COL4A4: variants seen among roughly 807,000 people sequenced by gnomAD.
COL4A4 encodes the protein collagen type IV alpha 4 chain.
A neutral mutation model predicts 192.9 loss-of-function variants in COL4A4; 105 were observed. The ratio of observed to expected loss-of-function variants is 0.54; its 90% CI spans 0.46 to 0.64. COL4A4 has a LOEUF of 0.64. Ranked by LOEUF, COL4A4 falls within the 30% of genes least tolerant of loss-of-function variation. COL4A4 has a pLI of 0.00. For synonymous variants in COL4A4, 762 were observed against 769.9 expected (o/e 0.99, Z 0.17); for missense variants, 1,967 against 2,169.3 (o/e 0.91, Z 1.85).
the COL4A4 span, among the ~76,000 whole-genome samples, chr2:226,973,978 G>C: frequency 3.3e-5 from 5 of 152,150 alleles, no homozygotes; most frequent in Admixed American, 6.5e-5. Flanking sequence ...TGAGCTTGAG[G>C]GTTTTGTGGG....
intron 4 of COL4A4, among the ~76,000 whole-genome samples, chr2:227,137,415 G>A (rs1284834970): frequency 6.6e-6 from 1 of 152,178 alleles, no homozygotes; most frequent in Non-Finnish European, 1.5e-5. Flanking sequence ...AGACACGTGG[G>A]TGTGATTCCT....
At chr2:226,968,580 A>T in the COL4A4 span, among the ~76,000 whole-genome samples, 5 of 152,166 alleles carry the variant, frequency 3.3e-5, no homozygotes, top group Non-Finnish European at 5.9e-5. Flanking sequence ...TAATTGAATA[A>T]CCTGAGATGG....
At chr2:227,122,303 T>C (rs2061842951) in intron 4 of COL4A4, among the ~76,000 whole-genome samples, 1 of 152,244 alleles carries the variant, frequency 6.6e-6, no homozygotes, top group African/African-American at 2.4e-5. Context: ...GGTCAAGAGT[T>C]CGACTTGCAA....
chr2:227,073,655 G>T (rs934822407), intron 25 of COL4A4, among the ~76,000 whole-genome samples: 1 of 152,024 alleles, frequency 6.6e-6, no homozygotes. Flanking sequence ...ATACTACAAG[G>T]CTTTAGTTAC....
chr2:226,999,393 C>T (rs1960384473), downstream of COL4A4, among the ~76,000 whole-genome samples: 1 of 152,154 alleles, frequency 6.6e-6, no homozygotes. Flanking sequence ...ACATGTCCCA[C>T]TGCATCGAAT....
chr2:227,060,101 G>GAACAAAAAAAAAAAAAAAA (rs1976528955), intron 27 of COL4A4, 35 bp downstream of exon 27: 1 of 399,128 alleles, frequency 2.5e-6, no homozygotes, highest in Non-Finnish European at 4.0e-6. Flanking sequence ...TCCCAAAGCA[G>GAACAAAAAAAAAAAAAAAA]AAAAAAAAAA....
the COL4A4 span, among the ~76,000 whole-genome samples, chr2:226,982,849 G>T: frequency 6.6e-6 from 1 of 152,226 alleles, no homozygotes; most frequent in Non-Finnish European, 1.5e-5. Flanking sequence ...AGGACTGGGT[G>T]AGTGACACTG....
At chr2:226,980,939 G>T in the COL4A4 span, among the ~76,000 whole-genome samples, 5 of 152,092 alleles carry the variant, frequency 3.3e-5, no homozygotes, top group Non-Finnish European at 7.4e-5. Context: ...ATATCTCTCC[G>T]TAGCAGAGAC....
At chr2:227,143,660 T>C (rs1210468229) in intron 3 of COL4A4, among the ~76,000 whole-genome samples, 3 of 152,168 alleles carry the variant, frequency 2.0e-5, no homozygotes, top group Non-Finnish European at 1.5e-5. Flanking sequence ...CTTTTAAAAA[T>C]CAGGTAAGAG....
intron 26 of COL4A4, among the ~76,000 whole-genome samples, chr2:227,060,985 C>G (rs1365644610): frequency 1.3e-5 from 2 of 152,164 alleles, no homozygotes; most frequent in Non-Finnish European, 2.9e-5. Flanking sequence ...CTCGGCCTCC[C>G]AAAGTGCTGA....
At position 227,089,901 on chromosome 2, in the gene COL4A4, G is replaced by A. The variant is rs780544830; in HGVS notation, c.1426C>T (p.Pro476Ser). The change falls in exon 21 of 48, where the codon CCC becomes TCC. Residue 476 changes from proline (P) to serine (S), a missense_variant. Physicochemically the swap from Pro to Ser is moderately conservative, Grantham distance 74. Coordinates refer to ENST00000396625, the MANE Select transcript of COL4A4 (RefSeq NM_000092.5). ...CCTTTTGGGCCTCTTCCTCCTGGGGGACCAACTTTGCCTTTTATTCCTTGT... is the reference window on the plus strand; with the variant it reads ...CCTTTTGGGCCTCTTCCTCCTGGGGAACCAACTTTGCCTTTTATTCCTTGT... ...GPQGIKGKVG[P>S]PGGRGPKGEK... is the part of the protein sequence containing the mutation. 1.2e-6 allele frequency: 2 copies of A among 1,613,422 alleles called. No homozygotes were observed. The highest frequency in any genetic ancestry group is 1.7e-6 in the Non-Finnish European group (2 of 1,179,724).
Position 227,022,061 on chromosome 2 carries a change from G to A in COL4A4, c.4203C>T (p.Gly1401=), listed in dbSNP as rs1966113667. Residue 1401 remains glycine, a synonymous_variant, in exon 44 of 48, where the codon GGC becomes GGT. Coordinates refer to ENST00000396625, the MANE Select transcript of COL4A4 (RefSeq NM_000092.5). ...TGCGGCTCATACCTGGTCCTGAGGG[G>A]CCTCTCATTCCAGGGAGCCCCATGG... ...EGAMGLPGMR[G]PSGPGCKGEP... 1 of 1,613,978 alleles carries A rather than the reference G, an allele frequency of 6.2e-7. No individual in the cohort carries two copies. The highest frequency in any genetic ancestry group is 1.3e-5 in the African/African-American group (1 of 75,022).
intron 1 of COL4A4, among the ~76,000 whole-genome samples, chr2:227,156,145 T>C (rs1269491338): frequency 6.6e-6 from 1 of 151,786 alleles, no homozygotes; most frequent in Non-Finnish European, 1.5e-5. Flanking sequence ...ACACCTGCAA[T>C]CCCAGCACTT....
At chr2:227,028,338 C>T (rs997886320) in intron 41 of COL4A4, among the ~76,000 whole-genome samples, 9 of 152,160 alleles carry the variant, frequency 5.9e-5, no homozygotes, top group Non-Finnish European at 1.2e-4. Context: ...TTTCAATATC[C>T]GGGAACAACG....
At chr2:227,086,098 A>G (rs2059588647) in intron 22 of COL4A4, among the ~76,000 whole-genome samples, 1 of 152,238 alleles carries the variant, frequency 6.6e-6, no homozygotes, top group Admixed American at 6.5e-5. Context: ...CCTAGGCCCT[A>G]GTGCCTTGCA....
At chr2:227,102,947 AC>A in intron 14 of COL4A4, 99 bp from the exon 15 acceptor site, 2 of 1,216,638 alleles carry the variant, frequency 1.6e-6, no homozygotes, top group Non-Finnish European at 1.2e-6. Context: ...AAAATGAGAA[AC>A]AAAAATTATT....
intron 37 of COL4A4, among the ~76,000 whole-genome samples, chr2:227,041,846 AAGAG>A (rs767450885): frequency 5.1e-5 from 2 of 39,302 alleles, no homozygotes; most frequent in Non-Finnish European, 8.9e-5. Context: ...GAAAGAAAGA[AAGAG>A]AAAGAAAGAA....
chr2:227,133,100 G>T (rs1356356122), intron 4 of COL4A4, among the ~76,000 whole-genome samples: 1 of 152,154 alleles, frequency 6.6e-6, no homozygotes, highest in African/African-American at 2.4e-5. Context: ...CCCTGCATTT[G>T]CTGAGCTCCG....
intron 9 of COL4A4, among the ~76,000 whole-genome samples, chr2:227,110,125 C>T (rs1198101672): frequency 6.6e-6 from 1 of 152,088 alleles, no homozygotes; most frequent in African/African-American, 2.4e-5. Flanking sequence ...CAACTATACA[C>T]AAATTGTCAA....
Sources: gnomAD v4.1 joint callset for allele counts (sites outside exome capture counted in the v4.1 genomes callset) on GRCh38, gnomAD v4.1.1 for gene constraint, MANE v1.5 for transcripts, NCBI Gene and HGNC (gene_info 2026-07-23, HGNC 2026-07-21) for gene names.